ACOT11: variants seen among roughly 807,000 people sequenced by gnomAD.
ACOT11 encodes the protein acyl-coenzyme A thioesterase 11.
In ACOT11, 69 loss-of-function variants were observed where a neutral mutation model predicts 77.5. That is an observed-to-expected ratio of 0.89 (90% CI 0.73 to 1.09). The LOEUF (loss-of-function observed/expected upper bound fraction) is 1.09, where lower values mean the gene tolerates loss of function less well. Ranked by LOEUF, ACOT11 falls within the 50% of genes least tolerant of loss-of-function variation. The probability of loss-of-function intolerance (pLI) is 0.00; values close to 1 mark genes in which losing one functional copy is unlikely to be tolerated. For synonymous variants in ACOT11, 279 were observed against 313.0 expected, an observed-to-expected ratio of 0.89 and a Z score of 1.15; for missense variants, 766 against 813.7, an observed-to-expected ratio of 0.94 and a Z score of 0.71.
At chr1:54,601,173 A>C in intron 8 of ACOT11, 96 bp from the exon 9 acceptor site, 1 of 1,446,080 alleles carries the variant, frequency 6.9e-7, no homozygotes, top group Non-Finnish European at 9.4e-7. Flanking sequence ...GTGTGGGCGC[A>C]TGTGTGCATG....
chr1:54,609,490 C>T lies in ACOT11; in HGVS notation c.*378C>T, dbSNP rs1435809095. 1 of 1,613,442 alleles carries T rather than the reference C, an allele frequency of 6.2e-7. No individual in the cohort carries two copies. Among genetic ancestry groups the T allele is most frequent in the South Asian group, 1.1e-5 (1 of 91,086 alleles). On this transcript the variant is annotated 3_prime_UTR_variant, in exon 16 of 16. Coordinates refer to ENST00000343744, the MANE Select transcript of ACOT11 (RefSeq NM_147161.4). Reference sequence around the variant, plus strand: ...TGCTGTGGCCCAGCAGCATGGCCTGCATCTGGAAGGACACAGGTTGCCAGA... The same window carrying T: ...TGCTGTGGCCCAGCAGCATGGCCTGTATCTGGAAGGACACAGGTTGCCAGA...
chr1:54,632,636 TAAAC>T (rs1644305804), intron 16 of ACOT11, among the ~76,000 whole-genome samples: 1 of 152,126 alleles, frequency 6.6e-6, no homozygotes, highest in African/African-American at 2.4e-5. Flanking sequence ...GAAGCACAAA[TAAAC>T]AAGGCAAAGC....
chr1:54,553,425 G>A (rs1367535746), intron 1 of ACOT11, among the ~76,000 whole-genome samples: 8 of 150,606 alleles, frequency 5.3e-5, no homozygotes, highest in Admixed American at 2.6e-4. Context: ...CCGAGATCGC[G>A]CCACTGCACT....
At chr1:54,562,566 C>G (rs569790611) in intron 1 of ACOT11, among the ~76,000 whole-genome samples, 1 of 146,518 alleles carries the variant, frequency 6.8e-6, no homozygotes, top group Non-Finnish European at 1.5e-5. Flanking sequence ...ACCTCCCTCC[C>G]GGACGGGGTG....
At chr1:54,610,515 G>C (rs748246758), downstream of ACOT11, 22 of 1,613,590 alleles carry the variant, frequency 1.4e-5, no homozygotes, top group Non-Finnish European at 1.8e-5. Context: ...GAGGGATCAG[G>C]CTGCCTCCCG....
chr1:54,562,551 C>G (rs1198094941), intron 1 of ACOT11, among the ~76,000 whole-genome samples: 2 of 140,960 alleles, frequency 1.4e-5, no homozygotes, highest in African/African-American at 5.2e-5. Flanking sequence ...GCTGACCCAC[C>G]CCCCACCTCC....
chr1:54,614,587 C>T (rs1644151466), downstream of ACOT11: 6 of 1,091,188 alleles, frequency 5.5e-6, no homozygotes, highest in South Asian at 8.2e-5. Flanking sequence ...AGAGGTGAGG[C>T]TATATATAGT....
intron 3 of ACOT11, among the ~76,000 whole-genome samples, chr1:54,588,561 T>C (rs936412687): frequency 6.6e-6 from 1 of 152,110 alleles, no homozygotes; most frequent in African/African-American, 2.4e-5. Flanking sequence ...ATTTCCTGTA[T>C]GTCTGGGGGT....
intron 3 of ACOT11, among the ~76,000 whole-genome samples, chr1:54,589,830 T>C (rs1040421075): frequency 2.6e-5 from 4 of 152,086 alleles, no homozygotes; most frequent in African/African-American, 9.7e-5. Context: ...ATAATTGTAA[T>C]TGGTTGCTTC....
chr1:54,597,334 C>T lies in ACOT11; in HGVS notation c.683C>T (p.Pro228Leu). The change falls in exon 7 of 16, where the codon CCT (proline) becomes CTT (leucine). Residue 228 changes from proline to leucine, a missense_variant. By Grantham distance (98) the Pro-to-Leu change is moderately conservative. Transcript: ENST00000343744. ...TRVESVELVLPPHANHQGNTF... is the reference protein window; with the variant it reads ...TRVESVELVLLPHANHQGNTF... ...GTGGAGAGTGTGGAGCTGGTCCTGC[C>T]TCCCCACGCCAATCACCAGGGCAAC... 1.2e-6 allele frequency: 2 copies of T among 1,613,960 alleles called. No individual in the cohort carries two copies. Among genetic ancestry groups the T allele is most frequent in the South Asian group, 2.2e-5 (2 of 91,068 alleles).
chr1:54,564,275 AAAAG>A (rs1365980209), intron 1 of ACOT11, among the ~76,000 whole-genome samples: 2 of 152,150 alleles, frequency 1.3e-5, no homozygotes, highest in Admixed American at 6.5e-5. Flanking sequence ...AAAAAAGAAA[AAAAG>A]AAAGAAAGCT....
intron 1 of ACOT11, among the ~76,000 whole-genome samples, chr1:54,565,331 T>C (rs2100953913): frequency 6.6e-6 from 1 of 152,298 alleles, no homozygotes; most frequent in East Asian, 1.9e-4. Flanking sequence ...TAGGCTCATA[T>C]CATGCAGAAG....
chr1:54,549,426 G>T (rs557288599), intron 1 of ACOT11, among the ~76,000 whole-genome samples: 4 of 152,142 alleles, frequency 2.6e-5, no homozygotes, highest in South Asian at 2.1e-4. Flanking sequence ...TCCCACTTTT[G>T]TTCTCTCCTC....
chr1:54,602,773 C>T lies in ACOT11; in HGVS notation c.1085+49C>T, dbSNP rs183800393. ...CAGAATGTGGATTCGGGGCTGTTCA[C>T]GCTCCGCTGACCCCAGGGCACTCGC... On this transcript the variant is annotated intron_variant, in intron 10 of 15. Transcript: ENST00000343744. 5.5e-4 allele frequency: 818 copies of T among 1,474,184 alleles called. 2 individuals carry two copies. The highest frequency in any genetic ancestry group is 6.8e-4 in the Non-Finnish European group (757 of 1,110,452). 91.3% of individuals were successfully genotyped at this position (1,474,184 alleles called of 1,614,324 possible).
rs1333330708 is a variant in ACOT11, at chr1:54,599,201, TATATATATATATATATATATATAA to T, written c.765-93_765-70del. ...AAAAAAATATATATATATATATATA[TATATATATATATATATATATATAA>T]AAATCTGGCCCAAACTAGTGGCTGA... On this transcript the variant is annotated intron_variant, in intron 7 of 15. Transcript: ENST00000343744. 618 of 72,278 alleles carry T rather than the reference TATATATATATATATATATATATAA, an allele frequency of 8.6e-3. 39 individuals are homozygous for T. Among genetic ancestry groups the T allele is most frequent in the African/African-American group, 0.038 (443 of 11,544 alleles). 4.5% of individuals were successfully genotyped at this position (72,278 alleles called of 1,614,324 possible).
At chr1:54,596,723 G>C (rs764386532) in intron 6 of ACOT11, among the ~76,000 whole-genome samples, 1 of 152,034 alleles carries the variant, frequency 6.6e-6, no homozygotes, top group Non-Finnish European at 1.5e-5. Context: ...ACAGGCACTC[G>C]CCACCATGCC....
At chr1:54,604,085 C>T in intron 11 of ACOT11, 148 bp downstream of exon 11, 1 of 791,376 alleles carries the variant, frequency 1.3e-6, no homozygotes, top group Non-Finnish European at 2.1e-6. Context: ...AAGAGCTGGC[C>T]TGCGTCCCTG....
chr1:54,573,208 T>G, intron 1 of ACOT11: 1 of 985,478 alleles, frequency 1.0e-6, no homozygotes. Context: ...CTGTCCTGCC[T>G]GCCAGATGAG....
chr1:54,576,491 T>TTAAAAA (rs1330910972), intron 1 of ACOT11, among the ~76,000 whole-genome samples: 1 of 68,368 alleles, frequency 1.5e-5, no homozygotes, highest in African/African-American at 5.0e-5. Flanking sequence ...GAGCAAGATC[T>TTAAAAA]AAAAAAAAAA....
Sources: allele counts gnomAD v4.1 joint callset (sites outside exome capture counted in the v4.1 genomes callset), GRCh38; gene constraint gnomAD v4.1.1; transcripts MANE v1.5; gene names NCBI Gene and HGNC (gene_info 2026-07-23, HGNC 2026-07-21).